ITGAD: variants seen among roughly 807,000 people sequenced by gnomAD.
The protein encoded by ITGAD is integrin alpha-D.
In ITGAD, 105 loss-of-function variants were observed where a neutral mutation model predicts 139.0. The ratio of observed to expected loss-of-function variants is 0.76; its 90% CI spans 0.65 to 0.89. The LOEUF (loss-of-function observed/expected upper bound fraction) is 0.89. ITGAD is among the 40% of genes least tolerant of loss of function. The pLI, the probability that ITGAD is intolerant of heterozygous loss-of-function variation, is 0.00. For missense variants in ITGAD, 1,384 were observed against 1,487.3 expected (o/e 0.93, Z 1.14); for synonymous variants, 569 against 598.3 (o/e 0.95, Z 0.71).
In ITGAD at chr16:31,418,537, A is replaced by C. The variant is rs148163652; in HGVS notation, c.2753A>C (p.Lys918Thr). The stretch of plus-strand genomic sequence containing the variant: ...ACCTTCCAGCTGGAGCTCCCGGTGA[A>C]GTATGCAGTCTACACCATGATCAGC... ...KATFQLELPV[K>T]YAVYTMISRQ... Residue 918 changes from lysine (K) to threonine (T), a missense_variant, in exon 23 of 30, where the codon AAG becomes ACG. Physicochemically the swap from Lys to Thr is moderately conservative, Grantham distance 78. Coordinates refer to ENST00000389202, the MANE Select transcript of ITGAD (RefSeq NM_005353.3). 57 of 1,613,976 alleles carry C rather than the reference A, an allele frequency of 3.5e-5. No individual in the cohort carries two copies. The highest frequency in any genetic ancestry group is 3.9e-5 in the Non-Finnish European group (46 of 1,180,008).
chr16:31,411,533 A>G lies in ITGAD; in HGVS notation c.1707+16A>G, dbSNP rs1438764003. 1.2e-6 allele frequency: 2 copies of G among 1,612,952 alleles called. No homozygotes were observed. Among genetic ancestry groups the G allele is most frequent in the African/African-American group, 2.7e-5 (2 of 74,920 alleles). ...CCACAGCCAGGTGAGGCCCGTCTTCAGCCTCTTTTAGTCCCAGCTCCTTCC... is the reference window on the plus strand; with the variant it reads ...CCACAGCCAGGTGAGGCCCGTCTTCGGCCTCTTTTAGTCCCAGCTCCTTCC... On this transcript the variant is annotated intron_variant, in intron 14 of 29. Coordinates refer to ENST00000389202, the MANE Select transcript of ITGAD (RefSeq NM_005353.3).
rs1259883525 is a variant in ITGAD, at chr16:31,393,405, G to A, written c.31+14G>A. The A allele has an allele frequency of 3.1e-6, 5 of 1,613,978 alleles. No homozygotes were observed. Among genetic ancestry groups the A allele is most frequent in the Non-Finnish European group, 4.2e-6 (5 of 1,179,986 alleles). The stretch of plus-strand genomic sequence containing the variant: ...TTCTTCTGAGTGGTAAGTGGGGCCA[G>A]GGTGCTGGGGAGAAGCTTGGAGGAG... On this transcript the variant is annotated intron_variant, in intron 1 of 29. Transcript: ENST00000389202.
Position 31,407,824 on chromosome 16 carries a change from C to T in ITGAD, c.917C>T (p.Ala306Val), listed in dbSNP as rs370427756. ...CAGGAGCTGAATACCATCAGCTCAG[C>T]GCCTCCGCAGGACCACGTGTTCAAG... is the stretch of plus-strand genomic sequence containing the variant. ...ARQELNTISSAPPQDHVFKVD... is the reference protein window; with the variant it reads ...ARQELNTISSVPPQDHVFKVD... The change falls in exon 9 of 30, where the codon GCG (alanine) becomes GTG (valine). Residue 306 changes from alanine (A) to valine (V), a missense_variant. Transcript: ENST00000389202. 54 of 1,613,532 alleles carry T rather than the reference C, an allele frequency of 3.3e-5. No homozygotes were observed. The African/African-American group carries it at 4.9e-4, about 15-fold the overall frequency.
Position 31,411,231 on chromosome 16 carries a change from G to A in ITGAD, c.1497+15G>A. On this transcript the variant is annotated intron_variant, in intron 13 of 29. Coordinates refer to ENST00000389202, the MANE Select transcript of ITGAD (RefSeq NM_005353.3). ...TGCCTAGGGGGGTGAGTGGCTGATG[G>A]GACCTAGGCTGGGTGGGGTCCGGTG... The A allele has an allele frequency of 1.2e-6, 2 of 1,611,982 alleles. No homozygotes were observed. The highest frequency in any genetic ancestry group is 8.5e-7 in the Non-Finnish European group (1 of 1,178,766).
At chr16:31,406,056 C>T (rs2142701324) in intron 7 of ITGAD, among the ~76,000 whole-genome samples, 1 of 151,832 alleles carries the variant, frequency 6.6e-6, no homozygotes. Context: ...TATAGAGTTA[C>T]ATGAGCAGGT....
chr16:31,394,130 C>CAAAAAAAAAAAAAAAA (rs943198130), intron 1 of ITGAD, 106 bp from the exon 2 acceptor site: 6 of 417,086 alleles, frequency 1.4e-5, no homozygotes, highest in African/African-American at 1.0e-4. Flanking sequence ...GACTCCATCT[C>CAAAAAAAAAAAAAAAA]AAAAAAAAAA....
chr16:31,396,283 C>T (rs2142571781), intron 2 of ITGAD, among the ~76,000 whole-genome samples: 1 of 152,246 alleles, frequency 6.6e-6, no homozygotes, highest in Non-Finnish European at 1.5e-5. Context: ...ACCAGCCTGA[C>T]CAATATGGTG....
In ITGAD at chr16:31,393,349, C is replaced by CGCTGCTCA. The variant is rs1474223568; in HGVS notation, c.-10_-3dup. ...CCCAACCTTCCACTTCCCCTCAACG[C>CGCTGCTCA]GCTGCTCAGGGATGACCTTCGGCAC... On this transcript the variant is annotated 5_prime_UTR_variant, in exon 1 of 30. Transcript: ENST00000389202. 2 of 1,613,970 alleles carry CGCTGCTCA rather than the reference C, an allele frequency of 1.2e-6. No homozygotes were observed. The highest frequency in any genetic ancestry group is 2.7e-5 in the African/African-American group (2 of 74,922).
chr16:31,416,681 C>A, intron 20 of ITGAD, 35 bp downstream of exon 20: 1 of 1,580,084 alleles, frequency 6.3e-7, no homozygotes. Context: ...GGGAGGGGGC[C>A]TCTCCCCTGC....
At chr16:31,415,753 G>A (rs1365167673) in intron 18 of ITGAD, among the ~76,000 whole-genome samples, 2 of 152,160 alleles carry the variant, frequency 1.3e-5, no homozygotes, top group Non-Finnish European at 2.9e-5. Context: ...CTCAGCATCT[G>A]CCGCTCCTTC....
Position 31,413,179 on chromosome 16 carries a change from C to T in ITGAD, c.1929C>T (p.Pro643=). ...TGTACCGGTGCTGGGAAGAGAAGCC[C>T]AGTGCCCTGGAAGCTGGGGACGCCA... ...KAVYRCWEEK[P]SALEAGDATV... is the part of the protein sequence containing the mutation. The change falls in exon 16 of 30, where the codon CCC becomes CCT. Residue 643 remains proline, a synonymous_variant. Transcript: ENST00000389202. 6.2e-7 allele frequency: 1 copy of T among 1,614,134 alleles called. No individual in the cohort carries two copies. The highest frequency in any genetic ancestry group is 2.2e-5 in the East Asian group (1 of 44,870).
At chr16:31,397,509 A>G (rs1205935218) in intron 3 of ITGAD, 47 bp downstream of exon 3, 2 of 1,581,908 alleles carry the variant, frequency 1.3e-6, no homozygotes, top group East Asian at 4.5e-5. Context: ...CCTGGACCCA[A>G]CTGTGCCCCC....
In ITGAD at chr16:31,418,284, C is replaced by T; in HGVS notation, c.2617-17C>T. 6.2e-7 allele frequency: 1 copy of T among 1,612,352 alleles called. No individual in the cohort carries two copies. ...GCCCTTCCTTTTATCCCCATTCTTT[C>T]CTTCTTCTTCCCTCAGGGCACCTTC... On this transcript the variant is annotated splice_polypyrimidine_tract_variant and intron_variant, in intron 21 of 29. Transcript: ENST00000389202.
intron 23 of ITGAD, among the ~76,000 whole-genome samples, chr16:31,421,685 G>C (rs1205775720): frequency 6.6e-6 from 1 of 152,048 alleles, no homozygotes; most frequent in Non-Finnish European, 1.5e-5. Flanking sequence ...ACTACAGGGA[G>C]GTTGCTACGG....
At position 31,407,655 on chromosome 16, in the gene ITGAD, G is replaced by A. The variant is rs375561750; in HGVS notation, c.845G>A (p.Arg282His). Residue 282 changes from arginine (R) to histidine (H), a missense_variant, in exon 8 of 30, where the codon CGC becomes CAC. By Grantham distance (29) the Arg-to-His change is conservative (BLOSUM62 0). Transcript: ENST00000389202. ...CAGGCAGAGAAGGCTGGCATCATCC[G>A]CTACGCTATCGGGGTGCGCCTCTTC... ...IPQAEKAGII[R>H]YAIGVGHAFQ... 37 of 1,614,036 alleles carry A rather than the reference G, an allele frequency of 2.3e-5. No homozygotes were observed. The highest frequency in any genetic ancestry group is 3.0e-5 in the Non-Finnish European group (35 of 1,180,016).
chr16:31,424,281 T>C (rs1020935338), intron 28 of ITGAD, 78 bp downstream of exon 28: 3 of 1,552,188 alleles, frequency 1.9e-6, no homozygotes, highest in Non-Finnish European at 2.7e-6. Context: ...GGTGGGGGGT[T>C]TGCAAGCCTT....
intron 5 of ITGAD, among the ~76,000 whole-genome samples, chr16:31,399,893 T>G (rs916516625): frequency 6.6e-6 from 1 of 152,088 alleles, no homozygotes; most frequent in Non-Finnish European, 1.5e-5. Context: ...TTTACAGATA[T>G]GAAAACCAAG....
In ITGAD at chr16:31,407,760, C is replaced by T. The variant is rs544203139; in HGVS notation, c.859-6C>T. 3.1e-6 allele frequency: 5 copies of T among 1,613,954 alleles called. No homozygotes were observed. In the Admixed American group the frequency reaches 5.0e-5, roughly 16 times the overall value. ...CTCATCCTCCTCGGCTGTCTCTCTGCTGCAGGTGGGACACGCTTTCCAGGG... is the reference window on the plus strand; with the variant it reads ...CTCATCCTCCTCGGCTGTCTCTCTGTTGCAGGTGGGACACGCTTTCCAGGG... On this transcript the variant is annotated splice_region_variant and splice_polypyrimidine_tract_variant and intron_variant, in intron 8 of 29. Coordinates refer to ENST00000389202, the MANE Select transcript of ITGAD (RefSeq NM_005353.3).
chr16:31,418,494 G>T lies in ITGAD; in HGVS notation c.2710G>T (p.Ala904Ser). ...RASASSENNK[A>S]SSSKATFQLE... The stretch of plus-strand genomic sequence containing the variant: ...TTCTGTCTCCAGTGAGAACAATAAG[G>T]CTTCAAGCAGCAAGGCCACCTTCCA... The change falls in exon 23 of 30, where the codon GCT becomes TCT. Residue 904 changes from alanine (A) to serine (S), a missense_variant. Ala to Ser is a moderately conservative substitution (Grantham distance 99, BLOSUM62 1). Transcript: ENST00000389202. 6.2e-7 allele frequency: 1 copy of T among 1,613,922 alleles called. No homozygotes were observed. Among genetic ancestry groups the T allele is most frequent in the Non-Finnish European group, 8.5e-7 (1 of 1,179,928 alleles).
Sources: gnomAD v4.1 joint callset for allele counts (sites outside exome capture counted in the v4.1 genomes callset) on GRCh38, gnomAD v4.1.1 for gene constraint, MANE v1.5 for transcripts, NCBI Gene and HGNC (gene_info 2026-07-23, HGNC 2026-07-21) for gene names.